The following FAT1 variants were observed in gnomAD, a reference collection of about 807,000 sequenced individuals.
FAT1 encodes the protein protocadherin Fat 1.
FAT1 carries 171 observed loss-of-function variants against 329.8 expected under a neutral mutation model. The ratio of observed to expected loss-of-function variants is 0.52; its 90% confidence interval spans 0.46 to 0.59. The LOEUF is 0.59. Ranked by LOEUF, FAT1 falls within the 20% of genes least tolerant of loss-of-function variation. The pLI is 0.00. For missense variants in FAT1, 5,672 were observed against 5,774.4 expected, an observed-to-expected ratio of 0.98 and a Z score of 0.57; for synonymous variants, 2,233 against 2,228.6, an observed-to-expected ratio of 1.00 and a Z score of -0.06.
intron 2 of FAT1, among the ~76,000 whole-genome samples, chr4:186,686,241 C>CCA (rs1553998099): frequency 6.8e-5 from 10 of 146,084 alleles, no homozygotes; most frequent in African/African-American, 2.5e-4. Flanking sequence ...AATTTTCACC[C>CCA]CCCCCCGACA....
chr4:186,609,075 G>C, intron 16 of FAT1, 108 bp downstream of exon 16: 1 of 1,247,650 alleles, frequency 8.0e-7, no homozygotes, highest in Non-Finnish European at 1.1e-6. Flanking sequence ...GTCAGTTCTT[G>C]AGGCGGTCAG....
In FAT1 at chr4:186,636,686, T is replaced by C. The variant is rs781185495; in HGVS notation, c.3871A>G (p.Ile1291Val). Residue 1291 changes from isoleucine (I) to valine (V), a missense_variant, in exon 5 of 27, where the codon ATC (isoleucine) becomes GTC (valine). By Grantham distance (29) the Ile-to-Val change is conservative. This residue lies in a region of FAT1 where 3,966 missense variants were observed against 3,915.2 expected (regional missense o/e 1.01). Transcript: ENST00000441802. ...EGPNAEISYS[I>V]EDGNEHGKFF... is the part of the protein sequence containing the mutation. ...TTGCCATGCTCATTCCCGTCTTCGATGCTGTAGGAGATTTCTGCATTGGGG... is the reference window on the plus strand; with the variant it reads ...TTGCCATGCTCATTCCCGTCTTCGACGCTGTAGGAGATTTCTGCATTGGGG... 1.2e-6 allele frequency: 2 copies of C among 1,613,850 alleles called. No individual in the cohort carries two copies. Among genetic ancestry groups the C allele is most frequent in the Non-Finnish European group, 1.7e-6 (2 of 1,179,890 alleles).
intron 2 of FAT1, among the ~76,000 whole-genome samples, chr4:186,667,929 A>C (rs909651566): frequency 1.1e-4 from 16 of 152,144 alleles, no homozygotes; most frequent in African/African-American, 3.1e-4. Flanking sequence ...GCCACTATCA[A>C]TCAACAGCAA....
intron 20 of FAT1, 151 bp from the exon 21 acceptor site, chr4:186,601,577 G>C (rs190956080): frequency 5.6e-6 from 3 of 540,416 alleles, no homozygotes; most frequent in East Asian, 5.7e-5. Flanking sequence ...ACGTCTATTT[G>C]CTTAATGAAA....
intron 26 of FAT1, 140 bp downstream of exon 26, chr4:186,595,549 T>C (rs1233726932): frequency 1.1e-6 from 1 of 880,752 alleles, no homozygotes; most frequent in Non-Finnish European, 1.7e-6. Context: ...TGCAAGTATG[T>C]ATGGTATTGT....
chr4:186,683,203 C>T (rs539306780), intron 2 of FAT1, among the ~76,000 whole-genome samples: 2 of 152,208 alleles, frequency 1.3e-5, no homozygotes, highest in Non-Finnish European at 2.9e-5. Flanking sequence ...CATGCACACC[C>T]TGCAAAAATC....
rs890957381 is a variant in FAT1, at chr4:186,709,852, C to T, written c.-18-7G>A. On this transcript the variant is annotated splice_polypyrimidine_tract_variant and splice_region_variant and intron_variant, in intron 1 of 26. Coordinates refer to ENST00000441802, the MANE Select transcript of FAT1 (RefSeq NM_005245.4). ...TTGCTTAACTGTCGGGAATCTGAAACAGAAGAAATCAGAATCGTTACCTTG... is the reference window on the plus strand; with the variant it reads ...TTGCTTAACTGTCGGGAATCTGAAATAGAAGAAATCAGAATCGTTACCTTG... 2.6e-6 allele frequency: 4 copies of T among 1,563,732 alleles called. No homozygotes were observed. The highest frequency in any genetic ancestry group is 3.7e-5 in the Admixed American group (2 of 54,284).
intron 3 of FAT1, among the ~76,000 whole-genome samples, chr4:186,651,967 A>G (rs1378584153): frequency 3.3e-5 from 5 of 152,206 alleles, no homozygotes; most frequent in Non-Finnish European, 7.3e-5. Context: ...ATGGAATTCT[A>G]TTCATAGACT....
chr4:186,603,309 C>T lies in FAT1; in HGVS notation c.11217G>A (p.Ala3739=), dbSNP rs374604751. 1.3e-4 allele frequency: 202 copies of T among 1,613,958 alleles called. No individual in the cohort carries two copies. In the African/African-American group the frequency reaches 2.2e-3, roughly 17 times the overall value. Reference sequence around the variant, plus strand: ...AGAACTTCCAGGGGCAGTCCAGTCCCGCGCAGAGTTTCTGGAATACATTCA... The same window carrying T: ...AGAACTTCCAGGGGCAGTCCAGTCCTGCGCAGAGTTTCTGGAATACATTCA... The part of the protein sequence containing the change: ...RILNVFQKLC[A]GLDCPWKFCD... The change falls in exon 19 of 27, where the codon GCG becomes GCA. Residue 3739 remains alanine (A), a synonymous_variant. Coordinates refer to ENST00000441802, the MANE Select transcript of FAT1 (RefSeq NM_005245.4).
rs765895226 is a variant in FAT1, at chr4:186,620,671, C to T, written c.5915G>A (p.Ser1972Asn). ...LTSVKINVKE[S>N]KESHLKFTQD... ...GGTAAACTTTAGGTGACTTTCTTTG[C>T]TTTCTTTCACATTAATTTTGACAGA... The change falls in exon 10 of 27, where the codon AGC becomes AAC. Residue 1972 changes from serine (S) to asparagine (N), a missense_variant. Coordinates refer to ENST00000441802, the MANE Select transcript of FAT1 (RefSeq NM_005245.4). 4.3e-6 allele frequency: 7 copies of T among 1,614,000 alleles called. No individual in the cohort carries two copies. In the South Asian group the frequency reaches 7.7e-5, roughly 18 times the overall value.
At chr4:186,684,670 GAAA>G (rs10597588) in intron 2 of FAT1, among the ~76,000 whole-genome samples, 118,882 of 150,790 alleles carry the variant, frequency 0.79, 47,420 homozygotes, top group Non-Finnish European at 0.83. Context: ...GGATAAGAGG[GAAA>G]AAAAAAAAAA....
intron 3 of FAT1, among the ~76,000 whole-genome samples, chr4:186,658,207 G>C (rs989820624): frequency 2.6e-5 from 4 of 152,202 alleles, no homozygotes; most frequent in Non-Finnish European, 4.4e-5. Context: ...TCTTTCACTT[G>C]TATCTCCTAA....
chr4:186,716,041 T>C (rs1238059721), intron 1 of FAT1, among the ~76,000 whole-genome samples: 1 of 152,112 alleles, frequency 6.6e-6, no homozygotes, highest in East Asian at 1.9e-4. Flanking sequence ...TTCAAGTGTT[T>C]AGATGACCTC....
rs866138616 is a variant in FAT1 at position 186,609,709 on chromosome 4, G to T, written c.10068+92C>A. 34 of 832,284 alleles carry T rather than the reference G, an allele frequency of 4.1e-5. 1 individual carries two copies. The Middle Eastern group carries it at 5.0e-3, about 124-fold the overall frequency. 51.6% of individuals were successfully genotyped at this position (832,284 alleles called of 1,614,324 possible). ...TCAAATCTCCAAAATATTTACAAAGGCCGCTACAAAAACTAGATTGATTTT... is the reference window on the plus strand; with the variant it reads ...TCAAATCTCCAAAATATTTACAAAGTCCGCTACAAAAACTAGATTGATTTT... On this transcript the variant is annotated intron_variant, in intron 15 of 26. Coordinates refer to ENST00000441802, the MANE Select transcript of FAT1 (RefSeq NM_005245.4).
Position 186,602,060 on chromosome 4 carries a change from A to G in FAT1, c.11483-634T>C, listed in dbSNP as rs571228392. ...CATGAACAGGTAGAGGCCACAGCAG[A>G]GGCAATACTGATAGGAAATGAACAA... On this transcript the variant is annotated intron_variant, in intron 20 of 26. Coordinates refer to ENST00000441802, the MANE Select transcript of FAT1 (RefSeq NM_005245.4). Among the ~76,000 whole-genome samples, 678 of 152,350 alleles carry G rather than the reference A, an allele frequency of 4.5e-3. 4 individuals are homozygous for G. The highest frequency in any genetic ancestry group is 0.016 in the African/African-American group (654 of 41,580).
chr4:186,633,713 T>C lies in FAT1; in HGVS notation c.4294A>G (p.Thr1432Ala), dbSNP rs1451920307. ...GTGAGGATAGTGGTGGTTCCATCTG[T>C]AGCCTCGACTGTGAGGTTGTAGTTT... Reference protein sequence around the residue: ...KSNYNLTVEATDGTTTILTQV... With the variant: ...KSNYNLTVEAADGTTTILTQV... The change falls in exon 7 of 27, where the codon ACA becomes GCA. Residue 1432 changes from threonine (T) to alanine (A), a missense_variant. Thr to Ala is a moderately conservative substitution (Grantham distance 58, BLOSUM62 0). This residue lies in a region of FAT1 where 3,966 missense variants were observed against 3,915.2 expected (regional missense o/e 1.01). Transcript: ENST00000441802. 1.2e-6 allele frequency: 2 copies of C among 1,613,850 alleles called. No individual in the cohort carries two copies. Among genetic ancestry groups the C allele is most frequent in the Non-Finnish European group, 1.7e-6 (2 of 1,179,880 alleles).
rs1219634811 is a variant in FAT1, at chr4:186,613,341, A to G, written c.9231T>C (p.Gly3077=). The G allele has an allele frequency of 6.2e-7, 1 of 1,612,512 alleles. No individual in the cohort carries two copies. The highest frequency in any genetic ancestry group is 2.2e-5 in the East Asian group (1 of 44,880). The stretch of plus-strand genomic sequence containing the variant: ...CAAGGGGGGTTGACGTTTTCAGTTC[A>G]CCTACAAACAAAAACAAATGGACTC... ...AEKFKLNPDT[G]ELKTSTPLDR... The change falls in exon 13 of 27, where the codon GGT becomes GGC. Residue 3077 remains glycine (G), a splice_region_variant and synonymous_variant. Transcript: ENST00000441802.
chr4:186,690,603 A>G (rs1446712189), intron 2 of FAT1, among the ~76,000 whole-genome samples: 2 of 152,086 alleles, frequency 1.3e-5, no homozygotes, highest in Non-Finnish European at 2.9e-5. Context: ...AGACTGAGGT[A>G]GGAGAATCAC....
At chr4:186,643,329 G>A (rs898294852) in intron 3 of FAT1, among the ~76,000 whole-genome samples, 9 of 152,128 alleles carry the variant, frequency 5.9e-5, no homozygotes, top group African/African-American at 1.7e-4. Flanking sequence ...ACTTTTCTGC[G>A]GAGAACACGT....
Sources: allele counts gnomAD v4.1 joint callset (sites outside exome capture counted in the v4.1 genomes callset), GRCh38; gene constraint gnomAD v4.1.1; regional missense constraint gnomAD v4.1.1; transcripts MANE v1.5; gene names NCBI Gene and HGNC (gene_info 2026-07-23, HGNC 2026-07-21).